The following ACSS1 variants were observed in gnomAD, a reference collection of about 807,000 sequenced individuals.
ACSS1 encodes acetyl-coenzyme A synthetase 2-like, mitochondrial.
ACSS1 carries 42 observed loss-of-function variants against 75.3 expected under a neutral mutation model. The ratio of observed to expected loss-of-function variants is 0.56; its 90% CI spans 0.44 to 0.72. The LOEUF (loss-of-function observed/expected upper bound fraction) is 0.72. Ranked by LOEUF, ACSS1 falls within the 30% of genes least tolerant of loss-of-function variation. ACSS1 has a pLI of 0.00. For synonymous variants in ACSS1, 380 were observed against 376.8 expected (o/e 1.01, Z -0.10); for missense variants, 782 against 935.7 (o/e 0.84, Z 2.14).
chr20:25,046,574 A>C, intron 2 of ACSS1: 1 of 534,120 alleles, frequency 1.9e-6, no homozygotes. Context: ...CCGGACCTCC[A>C]GGTGTCCAGT....
chr20:25,012,640 T>C lies in ACSS1; in HGVS notation c.1732A>G (p.Ser578Gly). 1 of 1,614,172 alleles carries C rather than the reference T, an allele frequency of 6.2e-7. No homozygotes were observed. Among genetic ancestry groups the C allele is most frequent in the Non-Finnish European group, 8.5e-7 (1 of 1,180,032 alleles). ...TCGTGGGGGTAGCCAATGACAGCACTTTCTGGTACTGCAGGGTGGTCGGCC... is the reference window on the plus strand; with the variant it reads ...TCGTGGGGGTAGCCAATGACAGCACCTTCTGGTACTGCAGGGTGGTCGGCC... ...AIADHPAVPESAVIGYPHDIK... is the reference protein window; with the variant it reads ...AIADHPAVPEGAVIGYPHDIK... Residue 578 changes from serine to glycine, a missense_variant, in exon 12 of 14, where the codon AGT becomes GGT. Around this residue, in one of 2 missense-constraint regions of ACSS1, gnomAD observed 405 missense variants for 552.6 expected, o/e 0.73. Transcript: ENST00000323482.
Position 25,016,963 on chromosome 20 carries a change from C to T in ACSS1, c.1247-1733G>A, listed in dbSNP as rs1323008861. Reference sequence around the variant, plus strand: ...GAGCAACAACCCCTGGAGCAGAGGTCGAGGAAAACTTCAGCTTTTTTTTTT... The same window carrying T: ...GAGCAACAACCCCTGGAGCAGAGGTTGAGGAAAACTTCAGCTTTTTTTTTT... On this transcript the variant is annotated intron_variant, in intron 7 of 13. Coordinates refer to ENST00000323482, the MANE Select transcript of ACSS1 (RefSeq NM_032501.4). 1.4e-4 allele frequency among the ~76,000 whole-genome samples: 21 copies of T among 151,624 alleles called. 1 individual carries two copies. The highest frequency in any genetic ancestry group is 1.3e-3 in the South Asian group (6 of 4,788).
At position 25,022,335 on chromosome 20, in the gene ACSS1, T is replaced by C. The variant is rs563564786; in HGVS notation, c.960+605A>G. Among the ~76,000 whole-genome samples the C allele has an allele frequency of 2.6e-5, 4 of 152,086 alleles. No individual in the cohort carries two copies. The East Asian group carries it at 7.7e-4, about 29-fold the overall frequency. On this transcript the variant is annotated intron_variant, in intron 5 of 13. Transcript: ENST00000323482. ...GAGATCACACCACTGCACTCTAACCTGGACAACAGAGTGAGACTCCATGAA... is the reference window on the plus strand; with the variant it reads ...GAGATCACACCACTGCACTCTAACCCGGACAACAGAGTGAGACTCCATGAA...
chr20:25,013,881 A>G lies in ACSS1; in HGVS notation c.1452+80T>C, dbSNP rs1476909688. ...TCCTGCCAGGTACAGACCTGGGCAC[A>G]CAGGAGAGAGCTGGGCTGGGCAGGC... On this transcript the variant is annotated intron_variant, in intron 9 of 13. Coordinates refer to ENST00000323482, the MANE Select transcript of ACSS1 (RefSeq NM_032501.4). The G allele has an allele frequency of 1.0e-5, 15 of 1,464,898 alleles. No individual in the cohort carries two copies. In the East Asian group the frequency reaches 3.3e-4, roughly 32 times the overall value. The allele number at this position is 1,464,898 out of a possible 1,614,324, so 90.7% of individuals were successfully genotyped here. A position where few individuals can be genotyped will look rare whatever the true frequency, so the allele number is the denominator to read the frequency against.
chr20:25,048,382 G>A (rs1275025590), intron 1 of ACSS1, among the ~76,000 whole-genome samples: 1 of 152,150 alleles, frequency 6.6e-6, no homozygotes, highest in Non-Finnish European at 1.5e-5. Flanking sequence ...GGTACAAGGT[G>A]ATGTCCTGCA....
intron 1 of ACSS1, among the ~76,000 whole-genome samples, chr20:25,054,559 C>A (rs549476238): frequency 6.6e-6 from 1 of 152,358 alleles, no homozygotes; most frequent in African/African-American, 2.4e-5. Flanking sequence ...GTGCTGGTCT[C>A]TTGGACCTCT....
chr20:25,022,590 T>A (rs1257614010), intron 5 of ACSS1, among the ~76,000 whole-genome samples: 1 of 152,262 alleles, frequency 6.6e-6, no homozygotes, highest in African/African-American at 2.4e-5. Context: ...CAAAGTGGCA[T>A]TTGCCTTATA....
chr20:25,021,049 G>A (rs991636187), intron 6 of ACSS1, among the ~76,000 whole-genome samples: 1 of 152,224 alleles, frequency 6.6e-6, no homozygotes, highest in Non-Finnish European at 1.5e-5. Flanking sequence ...GCTGGCCCTG[G>A]CTTTGAGAAA....
chr20:25,020,102 T>C lies in ACSS1; in HGVS notation c.1154A>G (p.Tyr385Cys), dbSNP rs773207593. 2.5e-6 allele frequency: 4 copies of C among 1,614,098 alleles called. No individual in the cohort carries two copies. Among genetic ancestry groups the C allele is most frequent in the East Asian group, 2.2e-5 (1 of 44,898 alleles). The stretch of plus-strand genomic sequence containing the variant: ...CAGCCGGACAGCCGTTGGGGCGCCA[T>C]AGAACTGATTGATCTTCAACCTCTC... The part of the protein sequence containing the change: ...TVERLKINQF[Y>C]GAPTAVRLLL... Residue 385 changes from tyrosine to cysteine, a missense_variant, in exon 7 of 14, where the codon TAT becomes TGT. Tyr to Cys is a radical substitution (Grantham distance 194, BLOSUM62 -2). This residue lies in a region of ACSS1 where 405 missense variants were observed against 552.6 expected (regional missense o/e 0.73). Transcript: ENST00000323482.
rs141779004 is a variant in ACSS1, at chr20:25,009,404, A to G, written c.1772-16T>C. On this transcript the variant is annotated splice_polypyrimidine_tract_variant and intron_variant, in intron 12 of 13. Transcript: ENST00000323482. ...GCAAAGGCAGCTGAAAATAAAGCCA[A>G]GTTTGGGGATGTATTAAATACTAGA... 278 of 1,601,530 alleles carry G rather than the reference A, an allele frequency of 1.7e-4. 1 individual carries two copies. The African/African-American group carries it at 3.2e-3, about 19-fold the overall frequency.
intron 2 of ACSS1, among the ~76,000 whole-genome samples, chr20:25,043,912 G>A (rs2089044215): frequency 1.3e-5 from 2 of 152,324 alleles, no homozygotes; most frequent in Admixed American, 6.5e-5. Flanking sequence ...TGGTCCTCTG[G>A]CTTAAGATGC....
At chr20:25,043,043 C>G (rs1010972016) in intron 2 of ACSS1, among the ~76,000 whole-genome samples, 1 of 152,094 alleles carries the variant, frequency 6.6e-6, no homozygotes, top group Non-Finnish European at 1.5e-5. Context: ...CTCCTGCCTC[C>G]ACCAGGTCCT....
intron 3 of ACSS1, among the ~76,000 whole-genome samples, chr20:25,027,842 T>C (rs1186578859): frequency 2.7e-5 from 4 of 150,572 alleles, no homozygotes; most frequent in Non-Finnish European, 5.9e-5. Context: ...TAAAACTATA[T>C]TCAGAGATGA....
intron 7 of ACSS1, among the ~76,000 whole-genome samples, chr20:25,019,053 G>A (rs906469287): frequency 6.6e-6 from 1 of 152,240 alleles, no homozygotes; most frequent in Non-Finnish European, 1.5e-5. Context: ...TGGTCACCCA[G>A]TAGTAGTGGA....
At chr20:25,050,415 G>T (rs1295636240) in intron 1 of ACSS1, among the ~76,000 whole-genome samples, 1 of 151,960 alleles carries the variant, frequency 6.6e-6, no homozygotes, top group East Asian at 2.0e-4. Flanking sequence ...GGTCACAAAT[G>T]CAAATCTTCA....
chr20:25,016,789 C>T (rs535453880), intron 7 of ACSS1, among the ~76,000 whole-genome samples: 1 of 152,316 alleles, frequency 6.6e-6, no homozygotes, highest in African/African-American at 2.4e-5. Context: ...AAAGCAGGTC[C>T]GTGTGGAAAA....
chr20:25,016,740 C>T (rs920344542), intron 7 of ACSS1, among the ~76,000 whole-genome samples: 1 of 152,234 alleles, frequency 6.6e-6, no homozygotes, highest in Non-Finnish European at 1.5e-5. Flanking sequence ...CACCCAGCCA[C>T]GGGGCTGTGA....
intron 2 of ACSS1, among the ~76,000 whole-genome samples, chr20:25,044,171 C>A (rs924208660): frequency 6.6e-6 from 1 of 152,322 alleles, no homozygotes. Flanking sequence ...AGGCTCCAGG[C>A]AGGGAGAAAC....
At chr20:25,032,450 G>A (rs1178713235) in intron 2 of ACSS1, 3 of 1,354,808 alleles carry the variant, frequency 2.2e-6, no homozygotes, top group East Asian at 2.8e-5. Context: ...TCTGAATCTG[G>A]ACCTGGCAAT....
Sources: gnomAD v4.1 joint callset for allele counts (sites outside exome capture counted in the v4.1 genomes callset) on GRCh38, gnomAD v4.1.1 for gene constraint, gnomAD v4.1.1 regional missense constraint, MANE v1.5 for transcripts, NCBI Gene and HGNC (gene_info 2026-07-23, HGNC 2026-07-21) for gene names.